Variants in PTPN3 observed in about 807,000 individuals in gnomAD.
PTPN3 encodes the protein tyrosine-protein phosphatase non-receptor type 3.
PTPN3 carries 96 observed loss-of-function variants against 132.7 expected under a neutral mutation model. The observed-to-expected ratio is 0.72, with a 90% CI of 0.61 to 0.86. The LOEUF is 0.86. Ranked by LOEUF, PTPN3 falls within the 40% of genes least tolerant of loss-of-function variation. PTPN3 has a pLI of 0.00. For synonymous variants in PTPN3, 398 were observed against 429.0 expected (o/e 0.93, Z 0.89); for missense variants, 1,125 against 1,159.6 (o/e 0.97, Z 0.43).
chr9:109,437,246 A>G (rs1288537740), intron 8 of PTPN3, among the ~76,000 whole-genome samples: 1 of 152,216 alleles, frequency 6.6e-6, no homozygotes, highest in Admixed American at 6.5e-5. Context: ...GTTACCTTTC[A>G]GAATCCCTGC....
chr9:109,493,879 C>T (rs1032643191), intron 1 of PTPN3, among the ~76,000 whole-genome samples: 2 of 152,224 alleles, frequency 1.3e-5, no homozygotes, highest in South Asian at 4.1e-4. Flanking sequence ...CTACTTGTAC[C>T]TGGGAGGCAG....
intron 19 of PTPN3, among the ~76,000 whole-genome samples, chr9:109,396,780 T>C (rs75672286): frequency 0.017 from 2,617 of 152,262 alleles, 69 homozygotes; most frequent in African/African-American, 0.06. Flanking sequence ...CTCTCCAATG[T>C]GGTAGGGGTG....
chr9:109,533,960 T>C, the PTPN3 span: 2 of 756,978 alleles, frequency 2.6e-6, no homozygotes, highest in Non-Finnish European at 4.8e-6. Flanking sequence ...ACCTATAACA[T>C]GTGCTGCCTC....
At chr9:109,424,069 G>A (rs372615809) in intron 12 of PTPN3, among the ~76,000 whole-genome samples, 1 of 152,168 alleles carries the variant, frequency 6.6e-6, no homozygotes, top group Admixed American at 6.5e-5. Context: ...CAGTGATGAA[G>A]AGCACAGGAT....
At chr9:109,433,352 T>C (rs1843796056) in intron 9 of PTPN3, among the ~76,000 whole-genome samples, 191 bp from the exon 10 acceptor site, 1 of 152,204 alleles carries the variant, frequency 6.6e-6, no homozygotes, top group Admixed American at 6.5e-5. Context: ...CAAATTCTTC[T>C]AAAGTGAACA....
the PTPN3 span, among the ~76,000 whole-genome samples, chr9:109,527,275 A>G: frequency 6.6e-6 from 1 of 152,228 alleles, no homozygotes; most frequent in Admixed American, 6.5e-5. Context: ...AGCCTGGCCA[A>G]CATGGCAAAA....
intron 1 of PTPN3, among the ~76,000 whole-genome samples, chr9:109,471,969 T>C (rs1223066640): frequency 2.6e-5 from 4 of 152,228 alleles, no homozygotes; most frequent in African/African-American, 7.2e-5. Flanking sequence ...GGCATCCTTA[T>C]GTCAGTTTTA....
At chr9:109,402,378 A>C (rs1421459553) in intron 19 of PTPN3, among the ~76,000 whole-genome samples, 1 of 151,966 alleles carries the variant, frequency 6.6e-6, no homozygotes, top group Admixed American at 6.6e-5. Context: ...TCCTGGGTTC[A>C]AGTGATTCCC....
rs200297311 is a variant in PTPN3 at position 109,410,208 on chromosome 9, C to T, written c.1500+21G>A. 126 of 1,611,670 alleles carry T rather than the reference C, an allele frequency of 7.8e-5. No individual in the cohort carries two copies. The East Asian group carries it at 2.1e-3, about 27-fold the overall frequency. On this transcript the variant is annotated intron_variant, in intron 15 of 25. Transcript: ENST00000374541. ...GGAAGCCCTGGGTGTGTGGATCACC[C>T]GGCTGCCTGCGCTCGCTCACCTTGT...
At chr9:109,487,772 G>T (rs1847278711) in intron 1 of PTPN3, among the ~76,000 whole-genome samples, 1 of 152,148 alleles carries the variant, frequency 6.6e-6, no homozygotes, top group Non-Finnish European at 1.5e-5. Flanking sequence ...ATGCCAAAAG[G>T]TATTAACAAA....
chr9:109,423,509 G>T (rs1271004609), intron 12 of PTPN3, among the ~76,000 whole-genome samples: 1 of 152,176 alleles, frequency 6.6e-6, no homozygotes, highest in Non-Finnish European at 1.5e-5. Context: ...GGGAGGCTGA[G>T]GCATGAGAAC....
At chr9:109,533,446 G>A in the PTPN3 span, 4 of 1,476,478 alleles carry the variant, frequency 2.7e-6, no homozygotes, top group Non-Finnish European at 2.8e-6. Flanking sequence ...GCACCTGGCC[G>A]GTTTAGGGTT....
chr9:109,526,381 A>G, the PTPN3 span, among the ~76,000 whole-genome samples: 1 of 152,044 alleles, frequency 6.6e-6, no homozygotes, highest in South Asian at 2.1e-4. Context: ...TTATTTTAAA[A>G]TATATGTGAA....
intron 1 of PTPN3, among the ~76,000 whole-genome samples, chr9:109,491,338 G>A (rs2132123232): frequency 1.3e-5 from 2 of 152,218 alleles, no homozygotes; most frequent in South Asian, 4.2e-4. Context: ...AGGGGGAAAG[G>A]AGGCATTGAT....
chr9:109,512,575 A>G, the PTPN3 span, among the ~76,000 whole-genome samples: 5 of 152,378 alleles, frequency 3.3e-5, no homozygotes, highest in South Asian at 1.0e-3. Context: ...CCTGAATGCC[A>G]TGAAGACTAC....
chr9:109,461,826 G>A (rs934596157), intron 2 of PTPN3, among the ~76,000 whole-genome samples: 1 of 152,090 alleles, frequency 6.6e-6, no homozygotes, highest in Non-Finnish European at 1.5e-5. Flanking sequence ...CGGCTGGGGG[G>A]CTCCCCTATG....
Position 109,391,482 on chromosome 9 carries a change from T to G in PTPN3, c.2033A>C (p.Asp678Ala). 1 of 1,613,188 alleles carries G rather than the reference T, an allele frequency of 6.2e-7. No individual in the cohort carries two copies. The highest frequency in any genetic ancestry group is 8.5e-7 in the Non-Finnish European group (1 of 1,179,192). Residue 678 changes from aspartate to alanine, a missense_variant, in exon 20 of 26, where the codon GAT becomes GCT. Coordinates refer to ENST00000374541, the MANE Select transcript of PTPN3 (RefSeq NM_002829.4). ...PQNLDKNRYKDVLPYDTTRVL... is the reference protein window; with the variant it reads ...PQNLDKNRYKAVLPYDTTRVL... ...TGCCGGATACTCACAAGGCAGCACATCTTTATATCGGTTTTTGTCCAAATT... is the reference window on the plus strand; with the variant it reads ...TGCCGGATACTCACAAGGCAGCACAGCTTTATATCGGTTTTTGTCCAAATT...
chr9:109,447,839 C>A (rs1382931503), intron 6 of PTPN3, among the ~76,000 whole-genome samples: 1 of 152,166 alleles, frequency 6.6e-6, no homozygotes, highest in Non-Finnish European at 1.5e-5. Flanking sequence ...TTCAACAGTT[C>A]TCTTCTGCCT....
chr9:109,533,675 T>TC, the PTPN3 span: 1 of 1,484,112 alleles, frequency 6.7e-7, no homozygotes, highest in East Asian at 2.3e-5. Flanking sequence ...GTCAGCACCC[T>TC]CCATCACTTC....
Sources: allele counts gnomAD v4.1 joint callset (sites outside exome capture counted in the v4.1 genomes callset), GRCh38; gene constraint gnomAD v4.1.1; transcripts MANE v1.5; gene names NCBI Gene and HGNC (gene_info 2026-07-23, HGNC 2026-07-21).